The following IQGAP1 variants were observed in gnomAD, a reference collection of about 807,000 sequenced individuals.
The protein encoded by IQGAP1 is IQ motif containing GTPase activating protein 1.
In IQGAP1, 66 loss-of-function variants were observed where a neutral mutation model predicts 215.6. That is an observed-to-expected ratio of 0.31 (90% CI 0.25 to 0.38). The LOEUF (loss-of-function observed/expected upper bound fraction) is 0.38. IQGAP1 is among the 10% of genes least tolerant of loss of function. The probability of loss-of-function intolerance (pLI) is 1.00; values close to 1 mark genes in which losing one functional copy is unlikely to be tolerated. For synonymous variants in IQGAP1, 772 were observed against 728.7 expected, an observed-to-expected ratio of 1.06 and a Z score of -0.96; for missense variants, 1,712 against 1,997.1, an observed-to-expected ratio of 0.86 and a Z score of 2.72.
chr15:90,483,123 G>T, intron 28 of IQGAP1: 1 of 435,676 alleles, frequency 2.3e-6, no homozygotes, highest in Non-Finnish European at 4.2e-6. Flanking sequence ...TTAACTACTG[G>T]CAGTAGTTTT....
intron 34 of IQGAP1, 35 bp downstream of exon 34, chr15:90,491,580 T>C: frequency 1.3e-6 from 2 of 1,564,692 alleles, no homozygotes; most frequent in Non-Finnish European, 1.8e-6. Context: ...GACCCGGCCT[T>C]GTTCAAAGCT....
chr15:90,446,761 C>T (rs1965532654), intron 9 of IQGAP1, among the ~76,000 whole-genome samples: 1 of 152,012 alleles, frequency 6.6e-6, no homozygotes, highest in African/African-American at 2.4e-5. Flanking sequence ...AGCTGCAGGC[C>T]AAGCAGTTAA....
chr15:90,484,383 A>G, intron 30 of IQGAP1, 31 bp downstream of exon 30: 1 of 1,565,050 alleles, frequency 6.4e-7, no homozygotes, highest in East Asian at 2.3e-5. Flanking sequence ...ACTTAATTTC[A>G]TTGTCCTTAA....
At chr15:90,487,670 T>G (rs1966146022) in intron 33 of IQGAP1, 88 bp downstream of exon 33, 2 of 850,356 alleles carry the variant, frequency 2.4e-6, no homozygotes, top group Non-Finnish European at 1.9e-6. Flanking sequence ...GAGACACAAA[T>G]AACAGTTGGT....
intron 18 of IQGAP1, among the ~76,000 whole-genome samples, chr15:90,471,560 C>T (rs150175757): frequency 0.057 from 8,581 of 150,816 alleles, 322 homozygotes; most frequent in Non-Finnish European, 0.086. Flanking sequence ...AATGCAATGG[C>T]GCGATCTTGG....
intron 34 of IQGAP1, among the ~76,000 whole-genome samples, chr15:90,492,184 T>A (rs894452986): frequency 2.0e-5 from 3 of 152,114 alleles, no homozygotes; most frequent in African/African-American, 7.2e-5. Flanking sequence ...TATGGTTAGG[T>A]CAGGCACCGT....
intron 9 of IQGAP1, among the ~76,000 whole-genome samples, chr15:90,446,864 G>A (rs1468012093): frequency 1.3e-5 from 2 of 152,110 alleles, no homozygotes; most frequent in Non-Finnish European, 2.9e-5. Flanking sequence ...AAGTATTTAA[G>A]TAATGTTCCA....
chr15:90,500,942 G>A lies in IQGAP1; in HGVS notation c.*834G>A, dbSNP rs556546398. On this transcript the variant is annotated 3_prime_UTR_variant, in exon 38 of 38. Coordinates refer to ENST00000268182, the MANE Select transcript of IQGAP1 (RefSeq NM_003870.4). The stretch of plus-strand genomic sequence containing the variant: ...GGCAGAGGAATGGGTTAGCCCTAAT[G>A]TAGAATGTCATTGTTTTTAAAACTG... 2 of 152,748 alleles carry A rather than the reference G, an allele frequency of 1.3e-5. No individual in the cohort carries two copies. The highest frequency in any genetic ancestry group is 4.1e-4 in the South Asian group (2 of 4,828). The allele number at this position is 152,748 out of a possible 1,614,324, so 9.5% of individuals were successfully genotyped here.
intron 8 of IQGAP1, among the ~76,000 whole-genome samples, chr15:90,442,775 C>G (rs1965469869): frequency 6.6e-6 from 1 of 152,140 alleles, no homozygotes; most frequent in South Asian, 2.1e-4. Context: ...TTGAGACCAG[C>G]CTGGCCAATA....
intron 28 of IQGAP1, 200 bp from the exon 29 acceptor site, chr15:90,483,161 T>TTGAA: frequency 1.8e-6 from 1 of 541,472 alleles, no homozygotes; most frequent in Non-Finnish European, 3.3e-6. Context: ...TTTTCCTGTA[T>TTGAA]TGAACAAAGG....
chr15:90,476,653 T>C lies in IQGAP1; in HGVS notation c.2785-10T>C. Reference sequence around the variant, plus strand: ...AGCTTTCTGATCTATTTATTGGTTTTTGTTTATAGGATGTGGTTTCCCACA... The same window carrying C: ...AGCTTTCTGATCTATTTATTGGTTTCTGTTTATAGGATGTGGTTTCCCACA... On this transcript the variant is annotated splice_polypyrimidine_tract_variant and intron_variant, in intron 23 of 37. Coordinates refer to ENST00000268182, the MANE Select transcript of IQGAP1 (RefSeq NM_003870.4). The C allele has an allele frequency of 6.4e-7, 1 of 1,563,550 alleles. No individual in the cohort carries two copies. Among genetic ancestry groups the C allele is most frequent in the East Asian group, 2.2e-5 (1 of 44,456 alleles).
chr15:90,473,286 T>A (rs923678021), intron 19 of IQGAP1, among the ~76,000 whole-genome samples: 3 of 152,166 alleles, frequency 2.0e-5, no homozygotes, highest in African/African-American at 7.2e-5. Flanking sequence ...GAAACAACTG[T>A]GGTCTGGCTT....
intron 26 of IQGAP1, among the ~76,000 whole-genome samples, 185 bp from the exon 27 acceptor site, chr15:90,481,775 G>T (rs535325650): frequency 5.1e-4 from 78 of 152,338 alleles, no homozygotes; most frequent in African/African-American, 1.8e-3. Flanking sequence ...ACACAATTCA[G>T]GCACCTGATT....
At chr15:90,403,200 C>T (rs1046636038) in intron 2 of IQGAP1, among the ~76,000 whole-genome samples, 2 of 152,120 alleles carry the variant, frequency 1.3e-5, no homozygotes, top group African/African-American at 4.8e-5. Context: ...CACTTGAGCC[C>T]AAGAGTTCGA....
At chr15:90,456,420 T>C (rs1177193221) in intron 15 of IQGAP1, 105 bp downstream of exon 15, 1 of 1,121,220 alleles carries the variant, frequency 8.9e-7, no homozygotes, top group African/African-American at 1.6e-5. Context: ...GAATGCCTTC[T>C]GGGCACCCTT....
At chr15:90,486,757 T>C in intron 31 of IQGAP1, 197 bp from the exon 32 acceptor site, 2 of 572,056 alleles carry the variant, frequency 3.5e-6, no homozygotes, top group Non-Finnish European at 6.2e-6. Flanking sequence ...CAAACATTTA[T>C]GGAGTTATTA....
At chr15:90,447,647 C>G (rs557103327) in intron 9 of IQGAP1, among the ~76,000 whole-genome samples, 1 of 151,998 alleles carries the variant, frequency 6.6e-6, no homozygotes, top group Non-Finnish European at 1.5e-5. Flanking sequence ...ATTATGATTC[C>G]TTAGTGGCTA....
intron 11 of IQGAP1, among the ~76,000 whole-genome samples, chr15:90,452,541 AAC>A (rs1965617244): frequency 6.6e-6 from 1 of 152,106 alleles, no homozygotes; most frequent in African/African-American, 2.4e-5. Flanking sequence ...GGATGAGGAG[AAC>A]AGTTAGGAGG....
At chr15:90,388,735 C>T (rs531764853) in intron 1 of IQGAP1, among the ~76,000 whole-genome samples, 9 of 152,286 alleles carry the variant, frequency 5.9e-5, no homozygotes, top group African/African-American at 2.2e-4. Context: ...CAGGGCGTGT[C>T]CCGGGGATTG....
Sources: gnomAD v4.1 joint callset for allele counts (sites outside exome capture counted in the v4.1 genomes callset) on GRCh38, gnomAD v4.1.1 for gene constraint, MANE v1.5 for transcripts, NCBI Gene and HGNC (gene_info 2026-07-23, HGNC 2026-07-21) for gene names.